Variants in EYS observed in about 807,000 individuals in gnomAD.
The protein encoded by EYS is EGF-like photoreceptor maintenance factor.
In EYS, 250 loss-of-function variants were observed where a neutral mutation model predicts 282.1. That is an observed-to-expected ratio of 0.89 (90% CI 0.80 to 0.98). The LOEUF (loss-of-function observed/expected upper bound fraction) is 0.98. Ranked by LOEUF, EYS falls within the 50% of genes least tolerant of loss-of-function variation. The pLI is 0.00. For synonymous variants in EYS, 1,355 were observed against 1,282.9 expected (o/e 1.06, Z -1.20); for missense variants, 4,016 against 3,709.0 (o/e 1.08, Z -2.15).
intron 12 of EYS, among the ~76,000 whole-genome samples, chr6:65,058,958 A>G (rs973927177): frequency 6.6e-6 from 1 of 152,146 alleles, no homozygotes; most frequent in African/African-American, 2.4e-5. Context: ...ACATGAATTT[A>G]GAAAGAAGAA....
At chr6:65,454,780 GTTC>G (rs1253835544) in intron 5 of EYS, among the ~76,000 whole-genome samples, 2 of 151,956 alleles carry the variant, frequency 1.3e-5, no homozygotes, top group South Asian at 2.1e-4. Context: ...CTCAATGTGT[GTTC>G]TTCTTACCTT....
At chr6:64,765,609 A>T (rs752627039) in intron 22 of EYS, among the ~76,000 whole-genome samples, 3 of 152,220 alleles carry the variant, frequency 2.0e-5, no homozygotes, top group Non-Finnish European at 2.9e-5. Context: ...TTCCTCAGGC[A>T]TAACAGGAAG....
chr6:64,354,071 G>A (rs900429632), intron 29 of EYS, among the ~76,000 whole-genome samples: 1 of 151,512 alleles, frequency 6.6e-6, no homozygotes, highest in Non-Finnish European at 1.5e-5. Flanking sequence ...CAGCCTAAAA[G>A]CACTAGATGC....
intron 26 of EYS, among the ~76,000 whole-genome samples, chr6:64,454,774 C>T (rs898538080): frequency 2.0e-5 from 3 of 152,100 alleles, no homozygotes; most frequent in South Asian, 2.1e-4. Flanking sequence ...AACCAATGCC[C>T]ACCACAAAGA....
chr6:65,269,890 G>A (rs764338110), intron 12 of EYS, among the ~76,000 whole-genome samples: 5 of 152,070 alleles, frequency 3.3e-5, no homozygotes, highest in Non-Finnish European at 7.4e-5. Flanking sequence ...CTTACATTGT[G>A]GGTTAGAGGG....
chr6:64,460,006 A>G (rs1303418838), intron 26 of EYS, among the ~76,000 whole-genome samples: 1 of 151,316 alleles, frequency 6.6e-6, no homozygotes, highest in Admixed American at 6.6e-5. Flanking sequence ...CTGTTGTGCC[A>G]GGACTCTTTC....
At chr6:63,900,904 A>C (rs1319485998) in intron 35 of EYS, among the ~76,000 whole-genome samples, 2 of 152,230 alleles carry the variant, frequency 1.3e-5, no homozygotes, top group Non-Finnish European at 2.9e-5. Context: ...GGAAGAAAAC[A>C]ACAACCGTGA....
chr6:65,187,908 C>T (rs757836456), intron 12 of EYS, among the ~76,000 whole-genome samples: 71 of 151,568 alleles, frequency 4.7e-4, no homozygotes, highest in Non-Finnish European at 9.7e-4. Context: ...TAACTTGAAA[C>T]TAAACTATGT....
chr6:64,029,229 G>T (rs142642058), intron 33 of EYS, among the ~76,000 whole-genome samples: 497 of 152,318 alleles, frequency 3.3e-3, no homozygotes, highest in Non-Finnish European at 5.2e-3. Flanking sequence ...AGCCGGGATA[G>T]CTCTTTGAGT....
At chr6:64,559,767 T>G (rs914389953) in intron 26 of EYS, among the ~76,000 whole-genome samples, 7 of 152,214 alleles carry the variant, frequency 4.6e-5, no homozygotes, top group Middle Eastern at 6.8e-3. Context: ...AAAAAAAAAT[T>G]TTCATTCCAT....
chr6:64,172,939 T>C (rs180694518), intron 31 of EYS, among the ~76,000 whole-genome samples: 72 of 152,128 alleles, frequency 4.7e-4, no homozygotes, highest in African/African-American at 1.6e-3. Context: ...CAAGGAAAAA[T>C]TGCCTTCCGC....
intron 22 of EYS, among the ~76,000 whole-genome samples, chr6:64,799,131 G>A (rs1422930430): frequency 6.6e-6 from 1 of 151,416 alleles, no homozygotes; most frequent in Non-Finnish European, 1.5e-5. Context: ...AGTTTCATCA[G>A]TTCAGTAAGC....
intron 12 of EYS, among the ~76,000 whole-genome samples, chr6:65,228,060 A>T (rs188324843): frequency 8.6e-4 from 130 of 151,674 alleles, no homozygotes; most frequent in African/African-American, 2.9e-3. Context: ...AAATGGGTTA[A>T]AATGTTAAGT....
intron 21 of EYS, among the ~76,000 whole-genome samples, chr6:64,818,069 T>A (rs2150019488): frequency 6.6e-6 from 1 of 152,258 alleles, no homozygotes; most frequent in African/African-American, 2.4e-5. Flanking sequence ...TTTCAGTACA[T>A]AACATATATT....
chr6:65,234,564 A>G (rs1307691518), intron 12 of EYS, among the ~76,000 whole-genome samples: 1 of 152,206 alleles, frequency 6.6e-6, no homozygotes, highest in Non-Finnish European at 1.5e-5. Flanking sequence ...TTTGAATCAG[A>G]TTAATTGATT....
chr6:64,004,712 G>A (rs1768262018), intron 33 of EYS, among the ~76,000 whole-genome samples: 1 of 152,154 alleles, frequency 6.6e-6, no homozygotes. Context: ...ACGAGATTGT[G>A]TGGTATTTGG....
At chr6:64,171,257 A>G (rs192868840) in intron 31 of EYS, among the ~76,000 whole-genome samples, 2 of 152,196 alleles carry the variant, frequency 1.3e-5, no homozygotes, top group Non-Finnish European at 2.9e-5. Flanking sequence ...GAATTTATAC[A>G]TCTATATACG....
At chr6:65,693,870 G>GT in intron 1 of EYS, among the ~76,000 whole-genome samples, 1 of 150,088 alleles carries the variant, frequency 6.7e-6, no homozygotes, top group East Asian at 2.3e-4. Flanking sequence ...AGCTTGCACA[G>GT]TACATTGCTG....
At chr6:64,989,309 A>G (rs1007156708) in intron 14 of EYS, among the ~76,000 whole-genome samples, 1 of 147,580 alleles carries the variant, frequency 6.8e-6, no homozygotes, top group Non-Finnish European at 1.5e-5. Context: ...ACTGTAGTCA[A>G]GATGATGCCA....
Sources: gnomAD v4.1 joint callset for allele counts (sites outside exome capture counted in the v4.1 genomes callset) on GRCh38, gnomAD v4.1.1 for gene constraint, MANE v1.5 for transcripts, NCBI Gene and HGNC (gene_info 2026-07-23, HGNC 2026-07-21) for gene names.